Variants in PINK1 observed in about 807,000 individuals in gnomAD.
PINK1 encodes PTEN induced kinase 1.
In PINK1, 58 loss-of-function variants were observed where a neutral mutation model predicts 56.0. The observed-to-expected ratio is 1.04, with a 90% CI of 0.84 to 1.29. The LOEUF is 1.29. PINK1 is among the 50% of genes most tolerant of loss of function. PINK1 has a pLI of 0.00. For missense variants in PINK1, 745 were observed against 777.9 expected, an observed-to-expected ratio of 0.96 and a Z score of 0.50; for synonymous variants, 354 against 339.3, an observed-to-expected ratio of 1.04 and a Z score of -0.48.
At chr1:20,646,981 G>T (rs1041645953) in intron 5 of PINK1, among the ~76,000 whole-genome samples, 1 of 150,646 alleles carries the variant, frequency 6.6e-6, no homozygotes, top group Non-Finnish European at 1.5e-5. Flanking sequence ...CCAGGTTCAA[G>T]CAATTCTCGT....
Position 20,650,850 on chromosome 1 carries a change from TGA to T in PINK1, c.*163_*164del, listed in dbSNP as rs2053262625. 3 of 947,090 alleles carry T rather than the reference TGA, an allele frequency of 3.2e-6. No individual in the cohort carries two copies. Among genetic ancestry groups the T allele is most frequent in the African/African-American group, 1.6e-5 (1 of 61,546 alleles). 58.7% of individuals were successfully genotyped at this position (947,090 alleles called of 1,614,324 possible). ...GGCTTGGCAAATGGAAGAACTTGAG[TGA>T]GAGTTCAGTCTGCAGTCCTCTGCTC... is the stretch of plus-strand genomic sequence containing the variant. On this transcript the variant is annotated 3_prime_UTR_variant, in exon 8 of 8. Coordinates refer to ENST00000321556, the MANE Select transcript of PINK1 (RefSeq NM_032409.3).
At chr1:20,645,011 T>C (rs1195504614) in intron 4 of PINK1, among the ~76,000 whole-genome samples, 1 of 152,234 alleles carries the variant, frequency 6.6e-6, no homozygotes, top group Non-Finnish European at 1.5e-5. Context: ...AACTTTGCTA[T>C]AGTGGGTATT....
chr1:20,645,719 C>T lies in PINK1; in HGVS notation c.1119C>T (p.Asp373=). ...LKSDNILVEL[D]PDGCPWLVIA... Reference sequence around the variant, plus strand: ...CCGACAACATCCTTGTGGAGCTGGACCCAGGTAGGAACCTGCTGCACCATC... The same window carrying T: ...CCGACAACATCCTTGTGGAGCTGGATCCAGGTAGGAACCTGCTGCACCATC... The change falls in exon 5 of 8, where the codon GAC becomes GAT. Residue 373 remains aspartate (D), a synonymous_variant. Coordinates refer to ENST00000321556, the MANE Select transcript of PINK1 (RefSeq NM_032409.3). 1.2e-6 allele frequency: 2 copies of T among 1,614,050 alleles called. No homozygotes were observed. Among genetic ancestry groups the T allele is most frequent in the South Asian group, 2.2e-5 (2 of 91,072 alleles).
rs867749567 is a variant in PINK1 at position 20,642,533 on chromosome 1, G to A, written c.777-1957G>A. ...GTATGAAACGTGCAGTGGCAATTCA[G>A]GCTTTGACATCAGCAAACTTGTTCT... On this transcript the variant is annotated intron_variant, in intron 3 of 7. Coordinates refer to ENST00000321556, the MANE Select transcript of PINK1 (RefSeq NM_032409.3). The A allele has an allele frequency of 5.3e-5, 8 of 152,360 alleles. No homozygotes were observed. In the South Asian group the frequency reaches 6.2e-4, roughly 12 times the overall value. 9.4% of individuals were successfully genotyped at this position (152,360 alleles called of 1,614,324 possible). A position where few individuals can be genotyped will look rare whatever the true frequency, so the allele number is the denominator to read the frequency against.
Position 20,645,857 on chromosome 1 carries a change from G to C in PINK1, c.1123+134G>C, listed in dbSNP as rs1451764639. ...TCTTTATTTAGCTCCGCACACAAGA[G>C]GTTAGCAATCTCTCCCTTAGAACGG... On this transcript the variant is annotated intron_variant, in intron 5 of 7. Transcript: ENST00000321556. 3.4e-6 allele frequency: 4 copies of C among 1,193,630 alleles called. No individual in the cohort carries two copies. In the East Asian group the frequency reaches 1.0e-4, roughly 30 times the overall value. The allele number at this position is 1,193,630 out of a possible 1,614,324, so 73.9% of individuals were successfully genotyped here.
chr1:20,643,679 T>C (rs2053141618), intron 3 of PINK1, among the ~76,000 whole-genome samples: 1 of 152,224 alleles, frequency 6.6e-6, no homozygotes, highest in African/African-American at 2.4e-5. Context: ...ATTGGTTGAA[T>C]GAATAATAGT....
intron 6 of PINK1, 159 bp from the exon 7 acceptor site, chr1:20,648,836 T>C: frequency 8.1e-7 from 1 of 1,235,128 alleles, no homozygotes; most frequent in Non-Finnish European, 1.2e-6. Context: ...ATAAACCAGG[T>C]GGTCTAAGCA....
At chr1:20,638,462 C>T (rs1289643783) in intron 2 of PINK1, 3 of 327,268 alleles carry the variant, frequency 9.2e-6, no homozygotes, top group Non-Finnish European at 1.2e-5. Flanking sequence ...GAAACCCCAT[C>T]TCTATGAAAA....
In PINK1 at chr1:20,641,640, C is replaced by T. The variant is rs1172595842; in HGVS notation, c.776+1648C>T. ...TGGTACACCTTGGGAGAAGCTTTCCCAAGAACACCCTGGGTTCATTTCCTC... is the reference window on the plus strand; with the variant it reads ...TGGTACACCTTGGGAGAAGCTTTCCTAAGAACACCCTGGGTTCATTTCCTC... On this transcript the variant is annotated intron_variant, in intron 3 of 7. Coordinates refer to ENST00000321556, the MANE Select transcript of PINK1 (RefSeq NM_032409.3). The surrounding 1 kb of genome is among the most constrained non-coding windows in gnomAD (Gnocchi z 4.0). Among the ~76,000 whole-genome samples the T allele has an allele frequency of 6.6e-6, 1 of 152,112 alleles. No individual in the cohort carries two copies. Among genetic ancestry groups the T allele is most frequent in the Non-Finnish European group, 1.5e-5 (1 of 68,012 alleles).
chr1:20,645,968 C>T (rs2053175841), intron 5 of PINK1, among the ~76,000 whole-genome samples: 1 of 152,078 alleles, frequency 6.6e-6, no homozygotes, highest in African/African-American at 2.4e-5. Context: ...CTCAGTGCTG[C>T]AAGTTTTCCT....
chr1:20,635,364 A>G (rs926534840), intron 1 of PINK1, among the ~76,000 whole-genome samples: 2 of 151,730 alleles, frequency 1.3e-5, no homozygotes, highest in African/African-American at 4.8e-5. Context: ...ACCCGGGCGC[A>G]GTGGTGGGCG....
rs763983499 is a variant in PINK1, at chr1:20,637,832, C to G, written c.388-10C>G. The G allele has an allele frequency of 3.1e-6, 5 of 1,613,682 alleles. No homozygotes were observed. The highest frequency in any genetic ancestry group is 1.7e-4 in the Middle Eastern group (1 of 5,770). Reference sequence around the variant, plus strand: ...TCCCTGGCTCACGGTGCATTCTTTTCTCATCACAGGCAATTTTTACCCAGA... The same window carrying G: ...TCCCTGGCTCACGGTGCATTCTTTTGTCATCACAGGCAATTTTTACCCAGA... On this transcript the variant is annotated splice_polypyrimidine_tract_variant and intron_variant, in intron 1 of 7. Transcript: ENST00000321556.
intron 7 of PINK1, 161 bp from the exon 8 acceptor site, chr1:20,650,273 C>CA (rs2154534057): frequency 1.1e-6 from 1 of 917,516 alleles, no homozygotes; most frequent in African/African-American, 1.6e-5. Context: ...GGGCAGGGGA[C>CA]AGGCAGTATT....
At position 20,639,902 on chromosome 1, in the gene PINK1, C is replaced by T. The variant is rs777546990; in HGVS notation, c.686C>T (p.Ser229Phe). 1 of 1,612,408 alleles carries T rather than the reference C, an allele frequency of 6.2e-7. No homozygotes were observed. Among genetic ancestry groups the T allele is most frequent in the Admixed American group, 1.7e-5 (1 of 59,886 alleles). Residue 229 changes from serine to phenylalanine, a missense_variant, in exon 3 of 8, where the codon TCC becomes TTC. By Grantham distance (155) the Ser-to-Phe change is radical. Coordinates refer to ENST00000321556, the MANE Select transcript of PINK1 (RefSeq NM_032409.3). ...KMMWNISAGS[S>F]SEAILNTMSQ... Reference sequence around the variant, plus strand: ...TTGTGGGTGTTCCAGGCAGGTTCCTCCAGCGAAGCCATCTTGAACACAATG... The same window carrying T: ...TTGTGGGTGTTCCAGGCAGGTTCCTTCAGCGAAGCCATCTTGAACACAATG...
In PINK1 at chr1:20,633,687, G is replaced by T. The variant is rs746940423; in HGVS notation, c.139G>T (p.Gly47Cys). The change falls in exon 1 of 8, where the codon GGC becomes TGC. Residue 47 changes from glycine to cysteine, a missense_variant. Transcript: ENST00000321556. ...GGGCTGTGTCCGCGGGGAGCGTCCA[G>T]GCTGGGCCGCAGGACCGGGCGCGGA... Reference protein sequence around the residue: ...AAGCVRGERPGWAAGPGAEPR... With the variant: ...AAGCVRGERPCWAAGPGAEPR... 2 of 1,490,558 alleles carry T rather than the reference G, an allele frequency of 1.3e-6. No individual in the cohort carries two copies. Among genetic ancestry groups the T allele is most frequent in the African/African-American group, 2.9e-5 (2 of 68,832 alleles). 92.3% of individuals were successfully genotyped at this position (1,490,558 alleles called of 1,614,324 possible).
intron 7 of PINK1, chr1:20,650,041 C>G (rs1420437528): frequency 3.0e-6 from 1 of 329,020 alleles, no homozygotes; most frequent in East Asian, 7.5e-5. Flanking sequence ...TCTGCCACTC[C>G]GTTAACTGCT....
At chr1:20,648,888 G>T (rs1468388655) in intron 6 of PINK1, 107 bp from the exon 7 acceptor site, 1 of 1,381,420 alleles carries the variant, frequency 7.2e-7, no homozygotes, top group Non-Finnish European at 1.0e-6. Context: ...CAAGCTCTGG[G>T]TTCCTTGGGA....
rs760962342 is a variant in PINK1, at chr1:20,650,499, C to T, written c.1554C>T (p.Ala518=). Residue 518 remains alanine (A), a synonymous_variant, in exon 8 of 8, where the codon GCC becomes GCT. Transcript: ENST00000321556. ...HLSLWGEHIL[A]LKNLKLDKMV... ...GCCTCTGGGGTGAACATATTCTAGC[C>T]CTGAAGAATCTGAAGTTAGACAAGA... 1.9e-6 allele frequency: 3 copies of T among 1,614,126 alleles called. No individual in the cohort carries two copies. The highest frequency in any genetic ancestry group is 2.5e-6 in the Non-Finnish European group (3 of 1,180,018).
In PINK1 at chr1:20,633,937, T is replaced by A; in HGVS notation, c.387+2T>A. 1.3e-6 allele frequency: 2 copies of A among 1,558,232 alleles called. No homozygotes were observed. Among genetic ancestry groups the A allele is most frequent in the Non-Finnish European group, 1.7e-6 (2 of 1,158,780 alleles). ...GTCTCGGCCTGTCAGGAGATCCAGG[T>A]GAGCGGGGCCGGGTCCTAAGCCGAG... On this transcript the variant is annotated splice_donor_variant, in intron 1 of 7. Coordinates refer to ENST00000321556, the MANE Select transcript of PINK1 (RefSeq NM_032409.3). LOFTEE classifies it high-confidence loss of function.
Sources: gnomAD v4.1 joint callset for allele counts (sites outside exome capture counted in the v4.1 genomes callset) on GRCh38, gnomAD v4.1.1 for gene constraint, Gnocchi (gnomAD v3.1) non-coding constraint, MANE v1.5 for transcripts, NCBI Gene and HGNC (gene_info 2026-07-23, HGNC 2026-07-21) for gene names.